The following RTN3 variants were observed in gnomAD, a reference collection of about 807,000 sequenced individuals.
RTN3 encodes the protein reticulon 3.
RTN3 carries 49 observed loss-of-function variants against 77.8 expected under a neutral mutation model. The observed-to-expected ratio is 0.63, with a 90% confidence interval of 0.50 to 0.80. The LOEUF (loss-of-function observed/expected upper bound fraction) is 0.80, where lower values mean the gene tolerates loss of function less well. RTN3 is among the 30% of genes least tolerant of loss of function. RTN3 has a pLI of 0.00. For missense variants in RTN3, 1,236 were observed against 1,211.9 expected (o/e 1.02, Z -0.29); for synonymous variants, 464 against 446.9 (o/e 1.04, Z -0.48).
chr11:63,693,439 G>T (rs560524506), intron 1 of RTN3, among the ~76,000 whole-genome samples: 1 of 151,854 alleles, frequency 6.6e-6, no homozygotes, highest in South Asian at 2.1e-4. Context: ...AGCCGAGATC[G>T]CACCATTGTA....
chr11:63,713,587 A>G lies in RTN3; in HGVS notation c.200-5115A>G, dbSNP rs1022909657. On this transcript the variant is annotated intron_variant, in intron 2 of 8. Coordinates refer to ENST00000377819, the MANE Select transcript of RTN3 (RefSeq NM_001265589.2). ...TGGCTTCTCAAAGTGCTAGGATTAC[A>G]GGCATGAGCCACCACACTCAGCTGA... is the stretch of plus-strand genomic sequence containing the variant. Among the ~76,000 whole-genome samples, 29 of 152,284 alleles carry G rather than the reference A, an allele frequency of 1.9e-4. 1 individual carries two copies. Among genetic ancestry groups the G allele is most frequent in the South Asian group, 1.5e-3 (7 of 4,822 alleles).
chr11:63,721,218 C>T (rs539148938), intron 3 of RTN3, among the ~76,000 whole-genome samples, 186 bp downstream of exon 3: 1 of 152,124 alleles, frequency 6.6e-6, no homozygotes, highest in African/African-American at 2.4e-5. Flanking sequence ...GATTTGGTTT[C>T]CTTAATATCA....
At chr11:63,715,428 G>A (rs575828209) in intron 2 of RTN3, among the ~76,000 whole-genome samples, 238 of 152,252 alleles carry the variant, frequency 1.6e-3, no homozygotes, top group Non-Finnish European at 1.7e-3. Flanking sequence ...AGGCTGAGGC[G>A]AGCAGATTGC....
chr11:63,746,302 A>T (rs1434435527), intron 3 of RTN3, among the ~76,000 whole-genome samples: 1 of 152,014 alleles, frequency 6.6e-6, no homozygotes, highest in Non-Finnish European at 1.5e-5. Context: ...TATAATCTGC[A>T]CTCTAGTTCA....
chr11:63,698,161 T>G (rs1942061194), intron 1 of RTN3, among the ~76,000 whole-genome samples: 1 of 151,644 alleles, frequency 6.6e-6, no homozygotes, highest in Non-Finnish European at 1.5e-5. Context: ...AAACAGTGTC[T>G]CACTCTTGCC....
At position 63,759,571 on chromosome 11, in the gene RTN3, C is replaced by T. The variant is rs1590905632; in HGVS notation, c.*1370C>T. 1 of 152,702 alleles carries T rather than the reference C, an allele frequency of 6.5e-6. No individual in the cohort carries two copies. The highest frequency in any genetic ancestry group is 1.9e-4 in the East Asian group (1 of 5,186). 9.5% of individuals were successfully genotyped at this position (152,702 alleles called of 1,614,324 possible). On this transcript the variant is annotated 3_prime_UTR_variant, in exon 9 of 9. Coordinates refer to ENST00000377819, the MANE Select transcript of RTN3 (RefSeq NM_001265589.2). The stretch of plus-strand genomic sequence containing the variant: ...TCCTAGTAGGAAGTGCATTCTCCAT[C>T]CTCATCCTCTGCCCTCCCAGGAAGT...
intron 3 of RTN3, among the ~76,000 whole-genome samples, chr11:63,739,822 C>A (rs1374246150): frequency 6.6e-6 from 1 of 151,950 alleles, no homozygotes; most frequent in Non-Finnish European, 1.5e-5. Context: ...CTGATAAATT[C>A]AAAAAGATAG....
chr11:63,703,733 G>T (rs1203449263), intron 1 of RTN3, among the ~76,000 whole-genome samples: 2 of 151,308 alleles, frequency 1.3e-5, no homozygotes, highest in Non-Finnish European at 3.0e-5. Flanking sequence ...TCATAGAGAC[G>T]GGGTTTCACC....
At chr11:63,694,221 G>C (rs1211397649) in intron 1 of RTN3, among the ~76,000 whole-genome samples, 2 of 151,880 alleles carry the variant, frequency 1.3e-5, no homozygotes, top group East Asian at 3.9e-4. Context: ...TTGTTGCCCA[G>C]GCTGGAGTGC....
At position 63,704,909 on chromosome 11, in the gene RTN3, C is replaced by T; in HGVS notation, c.199+2C>T. 1 of 1,608,388 alleles carries T rather than the reference C, an allele frequency of 6.2e-7. No homozygotes were observed. Among genetic ancestry groups the T allele is most frequent in the East Asian group, 2.2e-5 (1 of 44,830 alleles). Reference sequence around the variant, plus strand: ...TATCTCTATTTTCGACCTCACAAGGCAAGTCTGTAATTTTTTTGTGTGCAT... The same window carrying T: ...TATCTCTATTTTCGACCTCACAAGGTAAGTCTGTAATTTTTTTGTGTGCAT... On this transcript the variant is annotated splice_donor_variant, in intron 2 of 8. Transcript: ENST00000377819. LOFTEE classifies it low-confidence loss of function (GC_TO_GT_DONOR).
At chr11:63,752,404 C>A in intron 4 of RTN3, 103 bp from the exon 5 acceptor site, 2 of 1,121,910 alleles carry the variant, frequency 1.8e-6, no homozygotes, top group Non-Finnish European at 2.6e-6. Flanking sequence ...CCTACAGGTT[C>A]TAACATGCAC....
At chr11:63,730,572 A>G (rs1426418089) in intron 3 of RTN3, among the ~76,000 whole-genome samples, 1 of 152,168 alleles carries the variant, frequency 6.6e-6, no homozygotes, top group African/African-American at 2.4e-5. Flanking sequence ...ATCACTTGAG[A>G]CTAGTTTGAG....
chr11:63,736,969 A>T (rs1439153140), intron 3 of RTN3, among the ~76,000 whole-genome samples: 1 of 150,520 alleles, frequency 6.6e-6, no homozygotes, highest in Admixed American at 6.7e-5. Context: ...GCTATCATAG[A>T]ATCCTTTTTT....
chr11:63,748,283 A>G (rs1799939833), intron 3 of RTN3, among the ~76,000 whole-genome samples: 1 of 150,418 alleles, frequency 6.6e-6, no homozygotes, highest in Admixed American at 6.8e-5. Context: ...GGGACTTACA[A>G]ACTGGGAAAA....
intron 2 of RTN3, 121 bp from the exon 3 acceptor site, chr11:63,718,581 C>A (rs1248915224): frequency 1.6e-6 from 1 of 612,584 alleles, no homozygotes; most frequent in East Asian, 2.9e-5. Flanking sequence ...ATATATACAT[C>A]CTGTGTGTGT....
At chr11:63,757,728 T>C (rs1159215923) in intron 8 of RTN3, among the ~76,000 whole-genome samples, 2 of 149,218 alleles carry the variant, frequency 1.3e-5, no homozygotes, top group African/African-American at 4.9e-5. Context: ...TTTTCTTTTT[T>C]TTTTTTTTTT....
At chr11:63,710,297 C>T (rs1203951436) in intron 2 of RTN3, among the ~76,000 whole-genome samples, 1 of 152,002 alleles carries the variant, frequency 6.6e-6, no homozygotes, top group Non-Finnish European at 1.5e-5. Flanking sequence ...TCCTGAGTAG[C>T]TGGGACTACA....
At chr11:63,756,302 C>G in intron 8 of RTN3, 132 bp downstream of exon 8, 4 of 617,098 alleles carry the variant, frequency 6.5e-6, no homozygotes, top group Non-Finnish European at 8.5e-6. Flanking sequence ...TTAATAGTTT[C>G]ATTTTACTAA....
rs571556120 is a variant in RTN3 at position 63,732,440 on chromosome 11, G to A, written c.2530+11408G>A. On this transcript the variant is annotated intron_variant, in intron 3 of 8. Transcript: ENST00000377819. ...TCCTCCCACCTTGGCCTCCTAAAGC[G>A]CTGAGGTTATAGGTGTGAGCCACTT... Among the ~76,000 whole-genome samples the A allele has an allele frequency of 5.3e-5, 8 of 151,602 alleles. No homozygotes were observed. The East Asian group carries it at 9.7e-4, about 18-fold the overall frequency.
Sources: allele counts gnomAD v4.1 joint callset (sites outside exome capture counted in the v4.1 genomes callset), GRCh38; gene constraint gnomAD v4.1.1; transcripts MANE v1.5; gene names NCBI Gene and HGNC (gene_info 2026-07-23, HGNC 2026-07-21).